ZNF831: variants seen among roughly 807,000 people sequenced by gnomAD.
ZNF831 encodes zinc finger protein 831, also known as chromosome 20 open reading frame 174.
Under a neutral mutation model 95.8 loss-of-function variants are expected in ZNF831, and 59 were observed. The ratio of observed to expected loss-of-function variants is 0.62; its 90% CI spans 0.50 to 0.77. The LOEUF is 0.77. Among genes scored for constraint, ZNF831 ranks in the 30% least tolerant of loss-of-function variants. ZNF831 has a pLI of 0.00. For synonymous variants in ZNF831, 961 were observed against 925.5 expected, an observed-to-expected ratio of 1.04 and a Z score of -0.70; for missense variants, 2,205 against 2,164.0, an observed-to-expected ratio of 1.02 and a Z score of -0.38.
rs992457535 is a variant in ZNF831, at chr20:59,256,395, G to C, written c.*1652G>C. On this transcript the variant is annotated 3_prime_UTR_variant, in exon 6 of 6. Coordinates refer to ENST00000371030, the MANE Select transcript of ZNF831 (RefSeq NM_178457.3). ...AAAAAGGATGTTGGACATTGACTTA[G>C]TGTACTTTTTAAACCCAACAAAAGC... 6.6e-6 allele frequency: 1 copy of C among 152,236 alleles called. No homozygotes were observed. Among genetic ancestry groups the C allele is most frequent in the Non-Finnish European group, 1.5e-5 (1 of 68,046 alleles). 9.4% of individuals were successfully genotyped at this position (152,236 alleles called of 1,614,324 possible).
intron 1 of ZNF831, among the ~76,000 whole-genome samples, chr20:59,184,219 A>C (rs1982836780): frequency 6.6e-6 from 1 of 151,964 alleles, no homozygotes; most frequent in East Asian, 1.9e-4. Context: ...TTGCTAGCTT[A>C]TTTCTTTTTA....
chr20:59,180,092 T>A (rs1207463238), intron 1 of ZNF831, among the ~76,000 whole-genome samples: 3 of 152,170 alleles, frequency 2.0e-5, no homozygotes, highest in Non-Finnish European at 4.4e-5. Context: ...ACGATCATTT[T>A]ATTTTATTTT....
intron 4 of ZNF831, among the ~76,000 whole-genome samples, chr20:59,223,876 TAC>T (rs892978325): frequency 1.6e-4 from 24 of 152,258 alleles, no homozygotes; most frequent in African/African-American, 5.5e-4. Context: ...TGGGCCCAAA[TAC>T]AGTCAGCTAG....
intron 4 of ZNF831, among the ~76,000 whole-genome samples, chr20:59,238,671 C>T (rs1987140720): frequency 6.6e-6 from 1 of 152,224 alleles, no homozygotes; most frequent in East Asian, 1.9e-4. Flanking sequence ...ATCAAAGCTG[C>T]ACCCTTCTGG....
chr20:59,187,822 G>A (rs972362559), intron 1 of ZNF831, among the ~76,000 whole-genome samples: 3 of 152,046 alleles, frequency 2.0e-5, no homozygotes, highest in East Asian at 1.9e-4. Context: ...CCCCTCCTCT[G>A]GCAACCACTA....
At chr20:59,155,964 G>A (rs1233131300) in intron 2 of ZNF831, among the ~76,000 whole-genome samples, 2 of 151,904 alleles carry the variant, frequency 1.3e-5, no homozygotes, top group Non-Finnish European at 2.9e-5. Flanking sequence ...GACTAAAGAG[G>A]AAGAAGTAGG....
At chr20:59,135,695 C>T (rs1387974719) in intron 1 of ZNF831, among the ~76,000 whole-genome samples, 4 of 152,108 alleles carry the variant, frequency 2.6e-5, no homozygotes, top group African/African-American at 7.2e-5. Flanking sequence ...TGTGCCACTG[C>T]ACTCCAGCCT....
intron 1 of ZNF831, among the ~76,000 whole-genome samples, chr20:59,185,231 G>A (rs1413193109): frequency 1.3e-5 from 2 of 152,156 alleles, no homozygotes; most frequent in Non-Finnish European, 2.9e-5. Context: ...TGAGAAAAGC[G>A]TCATCTCCCT....
At chr20:59,235,423 A>G (rs259972) in intron 4 of ZNF831, among the ~76,000 whole-genome samples, 75,084 of 151,838 alleles carry the variant, frequency 0.49, 19,453 homozygotes, top group South Asian at 0.67. Context: ...CCCTGCCCCC[A>G]GGAGTTTCCC....
intron 1 of ZNF831, among the ~76,000 whole-genome samples, chr20:59,128,951 G>A (rs1266632617): frequency 1.3e-5 from 2 of 152,050 alleles, no homozygotes; most frequent in South Asian, 2.1e-4. Context: ...TGGTAGAGAC[G>A]GGGTTTCACC....
intron 4 of ZNF831, among the ~76,000 whole-genome samples, chr20:59,221,884 T>C (rs988751689): frequency 2.0e-5 from 3 of 152,220 alleles, no homozygotes; most frequent in South Asian, 2.1e-4. Context: ...TTCTAAGTAC[T>C]AGCGTTTGAA....
At chr20:59,149,461 G>A (rs1002813642) in intron 2 of ZNF831, among the ~76,000 whole-genome samples, 2 of 152,156 alleles carry the variant, frequency 1.3e-5, no homozygotes, top group African/African-American at 4.8e-5. Flanking sequence ...AGGAAGAAAC[G>A]GAGTCTTATA....
chr20:59,240,675 G>A (rs978589428), intron 4 of ZNF831, among the ~76,000 whole-genome samples: 3 of 152,126 alleles, frequency 2.0e-5, no homozygotes, highest in Non-Finnish European at 2.9e-5. Flanking sequence ...GGTGGCGGGC[G>A]CCTGTAGTCC....
chr20:59,162,834 G>T (rs1302944963), upstream of ZNF831, among the ~76,000 whole-genome samples: 1 of 152,214 alleles, frequency 6.6e-6, no homozygotes, highest in Non-Finnish European at 1.5e-5. Flanking sequence ...TGTGAAAAAT[G>T]ACATTGGTAA....
In ZNF831 at chr20:59,176,614, G is replaced by A. The variant is rs62204011; in HGVS notation, c.-37+12407G>A. 2.0e-3 allele frequency among the ~76,000 whole-genome samples: 298 copies of A among 152,206 alleles called. 2 individuals are homozygous for A. Among genetic ancestry groups the A allele is most frequent in the East Asian group, 7.5e-3 (39 of 5,174 alleles). On this transcript the variant is annotated intron_variant, in intron 1 of 5. Coordinates refer to ENST00000371030, the MANE Select transcript of ZNF831 (RefSeq NM_178457.3). ...AACCCCCCTAGACCCACTGTAACACGCATGTGTATTTCGCTTTAGTGCGTA... is the reference window on the plus strand; with the variant it reads ...AACCCCCCTAGACCCACTGTAACACACATGTGTATTTCGCTTTAGTGCGTA...
chr20:59,141,056 C>T (rs1427083060), intron 1 of ZNF831, among the ~76,000 whole-genome samples: 1 of 152,138 alleles, frequency 6.6e-6, no homozygotes, highest in Non-Finnish European at 1.5e-5. Flanking sequence ...CGCACCACCA[C>T]ACCTGGCTAA....
chr20:59,179,774 CCTTAA>C (rs1982462788), intron 1 of ZNF831, among the ~76,000 whole-genome samples: 2 of 152,174 alleles, frequency 1.3e-5, no homozygotes, highest in Admixed American at 1.3e-4. Flanking sequence ...ATTTTGAGAT[CCTTAA>C]CTTAATGATA....
chr20:59,155,207 T>A (rs776879904), intron 2 of ZNF831, among the ~76,000 whole-genome samples: 3 of 152,206 alleles, frequency 2.0e-5, no homozygotes, highest in African/African-American at 4.8e-5. Context: ...ATCTTGATTA[T>A]ACATCATACA....
intron 1 of ZNF831, among the ~76,000 whole-genome samples, chr20:59,140,414 C>G (rs1459351651): frequency 1.3e-5 from 2 of 152,192 alleles, no homozygotes; most frequent in Non-Finnish European, 2.9e-5. Flanking sequence ...ACTGGGCCCT[C>G]CACCCCATGG....
Sources: allele counts gnomAD v4.1 joint callset (sites outside exome capture counted in the v4.1 genomes callset), GRCh38; gene constraint gnomAD v4.1.1; transcripts MANE v1.5; gene names NCBI Gene and HGNC (gene_info 2026-07-23, HGNC 2026-07-21).